Variants in USP31 observed in about 807,000 individuals in gnomAD.
USP31 encodes the protein ubiquitin carboxyl-terminal hydrolase 31.
Under a neutral mutation model 119.4 loss-of-function variants are expected in USP31, and 44 were observed. That is an observed-to-expected ratio of 0.37 (90% CI 0.29 to 0.47). The LOEUF is 0.47. Among genes scored for constraint, USP31 ranks in the 20% least tolerant of loss-of-function variants. USP31 has a pLI of 0.99. For synonymous variants in USP31, 749 were observed against 705.6 expected (o/e 1.06, Z -0.97); for missense variants, 1,643 against 1,730.2 (o/e 0.95, Z 0.89).
chr16:23,106,166 G>A, intron 4 of USP31, 47 bp downstream of exon 4: 1 of 1,606,358 alleles, frequency 6.2e-7, no homozygotes, highest in Non-Finnish European at 8.5e-7. Context: ...GAGGCAAAGG[G>A]ATACCATAAG....
rs777097621 is a variant in USP31 at position 23,084,872 on chromosome 16, G to A, written c.1818C>T (p.Thr606=). 1 of 1,613,896 alleles carries A rather than the reference G, an allele frequency of 6.2e-7. No homozygotes were observed. Among genetic ancestry groups the A allele is most frequent in the Admixed American group, 1.7e-5 (1 of 59,988 alleles). The change falls in exon 11 of 16, where the codon ACC becomes ACT. Residue 606 remains threonine (T), a synonymous_variant. Transcript: ENST00000219689. ...CTLSQCFQLY[T]KEERLAPDDA... ...CCCAGTCTCTTACCCGCTCCTCTTTGGTGTACAGTTGGAAACACTGGGATA... is the reference window on the plus strand; with the variant it reads ...CCCAGTCTCTTACCCGCTCCTCTTTAGTGTACAGTTGGAAACACTGGGATA...
At chr16:23,084,838 G>A (rs778870002) in intron 11 of USP31, 22 bp downstream of exon 11, 6 of 1,613,318 alleles carry the variant, frequency 3.7e-6, no homozygotes, top group Non-Finnish European at 5.1e-6. Context: ...GAGCAACCAA[G>A]AAATGCTGCC....
At chr16:23,085,777 C>A (rs1596695757) in intron 9 of USP31, 115 bp from the exon 10 acceptor site, 2 of 954,530 alleles carry the variant, frequency 2.1e-6, no homozygotes, top group East Asian at 4.9e-5. Context: ...TAATGAAAAT[C>A]TTCATCATAG....
chr16:23,090,266 A>G (rs1901294590), intron 7 of USP31, among the ~76,000 whole-genome samples: 1 of 152,146 alleles, frequency 6.6e-6, no homozygotes, highest in South Asian at 2.1e-4. Flanking sequence ...GGCGCCTATA[A>G]TCCCAGCTAC....
chr16:23,106,102 T>C, intron 4 of USP31, 111 bp downstream of exon 4: 3 of 1,194,600 alleles, frequency 2.5e-6, no homozygotes, highest in Non-Finnish European at 2.4e-6. Context: ...TTCAATCCCA[T>C]TATTAATCCC....
intron 1 of USP31, among the ~76,000 whole-genome samples, chr16:23,112,751 G>A (rs539444204): frequency 6.6e-5 from 10 of 152,052 alleles, no homozygotes; most frequent in African/African-American, 1.4e-4. Context: ...ATGAATAGGC[G>A]GGTGTGGTGG....
chr16:23,115,175 G>A (rs955022986), intron 1 of USP31, among the ~76,000 whole-genome samples: 2 of 151,964 alleles, frequency 1.3e-5, no homozygotes, highest in Non-Finnish European at 2.9e-5. Context: ...ATACGTTTTT[G>A]GTCACATCTG....
At position 23,068,685 on chromosome 16, in the gene USP31, G is replaced by C. The variant is rs1451916151; in HGVS notation, c.3420C>G (p.Ser1140Arg). ...AKKASGPATRSPFPPGKSRTS... is the reference protein window; with the variant it reads ...AKKASGPATRRPFPPGKSRTS... ...TCCTGCTCTTCCCAGGTGGGAAAGGGCTCCTTGTGGCAGGGCCCGAGGCCT... is the reference window on the plus strand; with the variant it reads ...TCCTGCTCTTCCCAGGTGGGAAAGGCCTCCTTGTGGCAGGGCCCGAGGCCT... The change falls in exon 16 of 16, where the codon AGC becomes AGG. Residue 1140 changes from serine (S) to arginine (R), a missense_variant. Coordinates refer to ENST00000219689, the MANE Select transcript of USP31 (RefSeq NM_020718.4). 6.2e-7 allele frequency: 1 copy of C among 1,614,068 alleles called. No homozygotes were observed. The highest frequency in any genetic ancestry group is 8.5e-7 in the Non-Finnish European group (1 of 1,180,026).
intron 1 of USP31, among the ~76,000 whole-genome samples, chr16:23,124,397 A>G (rs546130053): frequency 6.6e-6 from 1 of 152,326 alleles, no homozygotes; most frequent in Admixed American, 6.5e-5. Context: ...CACTTACGTA[A>G]AAGACTCATT....
At chr16:23,112,372 A>T (rs1183504478) in intron 1 of USP31, among the ~76,000 whole-genome samples, 1 of 152,106 alleles carries the variant, frequency 6.6e-6, no homozygotes, top group Non-Finnish European at 1.5e-5. Context: ...TGAGGTCAAG[A>T]GTTCAAAACC....
chr16:23,079,559 T>C (rs980631308), intron 13 of USP31: 1 of 159,406 alleles, frequency 6.3e-6, no homozygotes, highest in Non-Finnish European at 1.4e-5. Flanking sequence ...CAACAGCTCA[T>C]CTTTAATTAA....
intron 11 of USP31, among the ~76,000 whole-genome samples, chr16:23,083,896 GCTATAGTAACCAGTGGACATATT>G (rs2141844116): frequency 6.6e-6 from 1 of 152,240 alleles, no homozygotes; most frequent in South Asian, 2.1e-4. Context: ...ACAACTGTTG[GCTATAGTAACCAGTGGACATATT>G]TCAGGTTAAC....
intron 1 of USP31, among the ~76,000 whole-genome samples, chr16:23,139,030 TAA>T (rs1203636893): frequency 6.6e-6 from 1 of 152,236 alleles, no homozygotes; most frequent in Non-Finnish European, 1.5e-5. Context: ...GAAAATGTGC[TAA>T]ATAAATCTGT....
At chr16:23,143,183 T>C (rs759855412) in intron 1 of USP31, among the ~76,000 whole-genome samples, 1 of 152,214 alleles carries the variant, frequency 6.6e-6, no homozygotes, top group Non-Finnish European at 1.5e-5. Flanking sequence ...TTACCATTTG[T>C]TTCACTGCAA....
intron 12 of USP31, among the ~76,000 whole-genome samples, chr16:23,080,892 C>A (rs2141839970): frequency 6.6e-6 from 1 of 152,232 alleles, no homozygotes; most frequent in Middle Eastern, 3.4e-3. Context: ...GGAAGGCCAG[C>A]CTGAAGAATC....
intron 1 of USP31, among the ~76,000 whole-genome samples, chr16:23,110,056 G>A (rs1596718468): frequency 6.6e-6 from 1 of 152,258 alleles, no homozygotes; most frequent in African/African-American, 2.4e-5. Context: ...CAATAGTAAT[G>A]TACCAATGTT....
At chr16:23,116,553 A>G (rs182390020) in intron 1 of USP31, among the ~76,000 whole-genome samples, 124 of 152,360 alleles carry the variant, frequency 8.1e-4, no homozygotes, top group Non-Finnish European at 1.6e-3. Flanking sequence ...CACAGAATAA[A>G]TAGGGCCTTC....
chr16:23,144,132 C>G (rs1382556003), intron 1 of USP31, among the ~76,000 whole-genome samples: 1 of 152,144 alleles, frequency 6.6e-6, no homozygotes, highest in Non-Finnish European at 1.5e-5. Context: ...TCCTAAAACT[C>G]AAATCAATGT....
chr16:23,101,759 C>T (rs79159336), intron 6 of USP31, among the ~76,000 whole-genome samples: 6,024 of 151,980 alleles, frequency 0.04, 410 homozygotes, highest in African/African-American at 0.14. Context: ...CTCTTAAAAT[C>T]AGAATAACCC....
Sources: gnomAD v4.1 joint callset for allele counts (sites outside exome capture counted in the v4.1 genomes callset) on GRCh38, gnomAD v4.1.1 for gene constraint, MANE v1.5 for transcripts, NCBI Gene and HGNC (gene_info 2026-07-23, HGNC 2026-07-21) for gene names.